FGD2: variants seen among roughly 807,000 people sequenced by gnomAD.
The protein encoded by FGD2 is FYVE, RhoGEF and PH domain containing 2.
A neutral mutation model predicts 75.9 loss-of-function variants in FGD2; 52 were observed. The ratio of observed to expected loss-of-function variants is 0.69; its 90% CI spans 0.55 to 0.86. The LOEUF (loss-of-function observed/expected upper bound fraction) is 0.86, where lower values mean the gene tolerates loss of function less well. FGD2 is among the 40% of genes least tolerant of loss of function. The pLI is 0.00. For missense variants in FGD2, 790 were observed against 872.0 expected, an observed-to-expected ratio of 0.91 and a Z score of 1.18; for synonymous variants, 347 against 348.6, an observed-to-expected ratio of 1.00 and a Z score of 0.05.
intron 9 of FGD2, among the ~76,000 whole-genome samples, chr6:37,016,945 C>T (rs1765330163): frequency 6.6e-6 from 1 of 152,142 alleles, no homozygotes; most frequent in Admixed American, 6.5e-5. Flanking sequence ...AGTCTCCGCC[C>T]GACTCTATCC....
At chr6:37,017,136 A>G (rs1765337798) in intron 9 of FGD2, among the ~76,000 whole-genome samples, 1 of 151,854 alleles carries the variant, frequency 6.6e-6, no homozygotes, top group African/African-American at 2.4e-5. Flanking sequence ...CAAATGCTGG[A>G]GACTGAGGTG....
rs145257454 is a variant in FGD2 at position 37,020,579 on chromosome 6, C to G, written c.1161C>G (p.Phe387Leu). The G allele has an allele frequency of 2.3e-4, 369 of 1,609,116 alleles. 1 individual carries two copies. In the African/African-American group the frequency reaches 2.9e-3, roughly 13 times the overall value. The change falls in exon 10 of 16, where the codon TTC (phenylalanine) becomes TTG (leucine). Residue 387 changes from phenylalanine (F) to leucine (L), a missense_variant. Transcript: ENST00000274963. ...TGGATGCTGAGTTTCCCCACTCCTT[C>G]CTGGTGTCCGGGAAGCAGCGCACCC... ...ELMDAEFPHS[F>L]LVSGKQRTLE...
intron 9 of FGD2, among the ~76,000 whole-genome samples, chr6:37,017,048 G>T (rs1306438767): frequency 1.3e-5 from 2 of 151,638 alleles, no homozygotes; most frequent in Non-Finnish European, 2.9e-5. Flanking sequence ...TAATAGGATT[G>T]TTTCCTCATT....
At chr6:37,007,861 G>A (rs1764825352) in intron 1 of FGD2, among the ~76,000 whole-genome samples, 1 of 152,200 alleles carries the variant, frequency 6.6e-6, no homozygotes, top group South Asian at 2.1e-4. Flanking sequence ...TAGCCACACA[G>A]CACTAGGTCC....
intron 9 of FGD2, among the ~76,000 whole-genome samples, chr6:37,019,627 G>T (rs935208215): frequency 6.6e-6 from 1 of 152,208 alleles, no homozygotes; most frequent in Non-Finnish European, 1.5e-5. Context: ...AAGGAAGTGT[G>T]CTTACAGGAC....
At position 37,015,863 on chromosome 6, in the gene FGD2, A is replaced by G; in HGVS notation, c.1122+3A>G. 8 of 1,572,398 alleles carry G rather than the reference A, an allele frequency of 5.1e-6. No individual in the cohort carries two copies. The highest frequency in any genetic ancestry group is 6.9e-6 in the Non-Finnish European group (8 of 1,158,656). ...GCATCGATGTGGCCGGGATGAAGGT[A>G]AGAGGCCCCCTAAACACCACTGGGC... On this transcript the variant is annotated splice_donor_region_variant and intron_variant, in intron 9 of 15. Transcript: ENST00000274963.
chr6:37,016,178 A>G (rs1401991744), intron 9 of FGD2, among the ~76,000 whole-genome samples: 2 of 152,168 alleles, frequency 1.3e-5, no homozygotes, highest in Non-Finnish European at 2.9e-5. Flanking sequence ...GGCATCTTGT[A>G]AAAATGCAGG....
chr6:37,011,891 C>T (rs1317960348), intron 4 of FGD2, 37 bp downstream of exon 4: 4 of 1,600,222 alleles, frequency 2.5e-6, no homozygotes, highest in South Asian at 1.1e-5. Flanking sequence ...CCTCAGACCA[C>T]AGCCCTGGCC....
chr6:37,028,504 G>A lies in FGD2; in HGVS notation c.*341G>A, dbSNP rs1765938894. The A allele has an allele frequency of 3.6e-6, 1 of 274,692 alleles. No individual in the cohort carries two copies. Among genetic ancestry groups the A allele is most frequent in the Non-Finnish European group, 6.8e-6 (1 of 147,468 alleles). The allele number at this position is 274,692 out of a possible 1,614,324, so 17.0% of individuals were successfully genotyped here. Reference sequence around the variant, plus strand: ...TTGTATCTCCTGGGGAGCTTTTAAAGAGTACTGGTGAAAAACACATAGTAA... The same window carrying A: ...TTGTATCTCCTGGGGAGCTTTTAAAAAGTACTGGTGAAAAACACATAGTAA... On this transcript the variant is annotated 3_prime_UTR_variant, in exon 16 of 16. Coordinates refer to ENST00000274963, the MANE Select transcript of FGD2 (RefSeq NM_173558.4).
chr6:37,006,510 G>C (rs1764760060), intron 1 of FGD2, among the ~76,000 whole-genome samples: 1 of 152,166 alleles, frequency 6.6e-6, no homozygotes, highest in South Asian at 2.1e-4. Flanking sequence ...GATGCCAAGT[G>C]CTTTAAGTAT....
chr6:37,016,887 A>T (rs2150776300), intron 9 of FGD2, among the ~76,000 whole-genome samples: 1 of 152,300 alleles, frequency 6.6e-6, no homozygotes, highest in Non-Finnish European at 1.5e-5. Context: ...AAAAATACAG[A>T]TTATACACAT....
intron 8 of FGD2, 52 bp downstream of exon 8, chr6:37,015,090 C>T (rs780769400): frequency 1.8e-4 from 281 of 1,579,704 alleles, no homozygotes; most frequent in Non-Finnish European, 2.1e-4. Context: ...AGTCCATGGG[C>T]CACTCTGGCC....
At chr6:37,008,717 C>T in intron 1 of FGD2, 117 bp from the exon 2 acceptor site, 5 of 900,966 alleles carry the variant, frequency 5.5e-6, no homozygotes, top group Non-Finnish European at 8.2e-6. Context: ...AAGCCAGGCA[C>T]CCAGGGGCCC....
At chr6:37,018,964 T>C (rs547551541) in intron 9 of FGD2, among the ~76,000 whole-genome samples, 1 of 152,320 alleles carries the variant, frequency 6.6e-6, no homozygotes, top group African/African-American at 2.4e-5. Context: ...GAAACTCCTC[T>C]TGAAACCTGC....
chr6:37,026,176 T>C, intron 14 of FGD2: 1 of 985,386 alleles, frequency 1.0e-6, no homozygotes, highest in East Asian at 1.1e-4. Flanking sequence ...TCGTCCACAT[T>C]CTTCTGCACT....
rs1765799575 is a variant in FGD2, at chr6:37,025,954, C to T, written c.1605+16C>T. 4 of 1,613,092 alleles carry T rather than the reference C, an allele frequency of 2.5e-6. No individual in the cohort carries two copies. The highest frequency in any genetic ancestry group is 1.7e-5 in the Admixed American group (1 of 59,950). On this transcript the variant is annotated intron_variant, in intron 14 of 15. Coordinates refer to ENST00000274963, the MANE Select transcript of FGD2 (RefSeq NM_173558.4). ...CATCCTGGAGGTGAGGGCCACTGTC[C>T]CCGCGCTCACCATCCGTCCTCTGTT... is the stretch of plus-strand genomic sequence containing the variant.
intron 9 of FGD2, among the ~76,000 whole-genome samples, chr6:37,020,188 T>C (rs560208927): frequency 2.5e-4 from 38 of 152,358 alleles, no homozygotes; most frequent in African/African-American, 7.9e-4. Context: ...ATGAAAATTT[T>C]AAAGCCAAGA....
chr6:37,026,433 A>G (rs1011921616), intron 14 of FGD2: 2 of 980,242 alleles, frequency 2.0e-6, no homozygotes, highest in Non-Finnish European at 2.4e-6. Flanking sequence ...AAGATCACAC[A>G]GCAAGTTAGG....
intron 13 of FGD2, 117 bp downstream of exon 13, chr6:37,022,487 C>T: frequency 7.3e-7 from 1 of 1,375,266 alleles, no homozygotes; most frequent in Non-Finnish European, 9.5e-7. Context: ...AGGCCTCCAC[C>T]TGCCCCACCT....
Sources: allele counts gnomAD v4.1 joint callset (sites outside exome capture counted in the v4.1 genomes callset), GRCh38; gene constraint gnomAD v4.1.1; transcripts MANE v1.5; gene names NCBI Gene and HGNC (gene_info 2026-07-23, HGNC 2026-07-21).